The following KLRG1 variants were observed in gnomAD, a reference collection of about 807,000 sequenced individuals.
KLRG1 encodes killer cell lectin-like receptor subfamily G member 1.
In KLRG1, 16 loss-of-function variants were observed where a neutral mutation model predicts 21.8. That is an observed-to-expected ratio of 0.73 (90% CI 0.50 to 1.11). The LOEUF is 1.11. KLRG1 is among the 50% of genes most tolerant of loss of function. The pLI, the probability that KLRG1 is intolerant of heterozygous loss-of-function variation, is 0.00. For missense variants in KLRG1, 173 were observed against 218.3 expected, an observed-to-expected ratio of 0.79 and a Z score of 1.31; for synonymous variants, 69 against 75.9, an observed-to-expected ratio of 0.91 and a Z score of 0.47.
the KLRG1 span, chr12:9,069,663 T>C: frequency 1.9e-6 from 2 of 1,033,044 alleles, no homozygotes; most frequent in Non-Finnish European, 2.9e-6. Flanking sequence ...GTGATGTTTC[T>C]AAAATGCATT....
the KLRG1 span, chr12:9,202,249 C>G: frequency 7.4e-7 from 1 of 1,354,062 alleles, no homozygotes; most frequent in East Asian, 2.3e-5. Context: ...TTTCTTGTAC[C>G]TTTCTACCTC....
intron 1 of KLRG1, chr12:8,970,595 C>T (rs755991473): frequency 6.6e-6 from 1 of 152,192 alleles, no homozygotes; most frequent in African/African-American, 2.4e-5. Context: ...AATTCCACTT[C>T]TTCCTTTTCA....
chr12:9,117,122 G>C, the KLRG1 span, among the ~76,000 whole-genome samples: 1 of 152,154 alleles, frequency 6.6e-6, no homozygotes, highest in East Asian at 1.9e-4. Context: ...ACGAATGACA[G>C]ATGCAAAGGA....
At chr12:9,170,737 A>G in the KLRG1 span, among the ~76,000 whole-genome samples, 9 of 152,342 alleles carry the variant, frequency 5.9e-5, no homozygotes, top group South Asian at 1.9e-3. This position sits in a 1 kb window ranked among gnomAD's most constrained non-coding sequence, Gnocchi z 4.6. Context: ...GATTGTGATC[A>G]GACTGCTTCT....
At chr12:9,186,055 C>T in the KLRG1 span, among the ~76,000 whole-genome samples, 1 of 152,000 alleles carries the variant, frequency 6.6e-6, no homozygotes, top group East Asian at 1.9e-4. Context: ...ATCTGACCAC[C>T]TTGACCCCCC....
the KLRG1 span, chr12:9,036,876 AAT>A: frequency 1.7e-5 from 7 of 417,178 alleles, no homozygotes; most frequent in East Asian, 4.8e-4. Context: ...GCTGACAAGG[AAT>A]AACTGTAGTG....
chr12:9,135,423 A>G, the KLRG1 span: 1 of 354,028 alleles, frequency 2.8e-6, no homozygotes, highest in Non-Finnish European at 5.4e-6. Flanking sequence ...GTCCTGCAGA[A>G]TTGGAGAAGA....
chr12:8,998,780 G>A (rs1947218112), intron 3 of KLRG1, among the ~76,000 whole-genome samples: 2 of 151,470 alleles, frequency 1.3e-5, no homozygotes, highest in Admixed American at 6.6e-5. Flanking sequence ...TTTTGCATAT[G>A]TTCAACAAGA....
chr12:9,084,619 A>G, the KLRG1 span, among the ~76,000 whole-genome samples: 1 of 152,168 alleles, frequency 6.6e-6, no homozygotes, highest in Non-Finnish European at 1.5e-5. Flanking sequence ...GCAAAAGAGG[A>G]ACAAAGAAGC....
the KLRG1 span, chr12:9,162,425 C>T: frequency 1.7e-6 from 1 of 594,024 alleles, no homozygotes; most frequent in Non-Finnish European, 3.0e-6. Flanking sequence ...AACTTGCTCT[C>T]TTGGGCTCAA....
chr12:8,958,258 T>C (rs1202320647), intron 1 of KLRG1, among the ~76,000 whole-genome samples: 1 of 152,110 alleles, frequency 6.6e-6, no homozygotes, highest in African/African-American at 2.4e-5. Context: ...TTCCTTTTTT[T>C]CCCCATATGG....
the KLRG1 span, among the ~76,000 whole-genome samples, chr12:9,142,440 A>C: frequency 6.6e-6 from 1 of 152,250 alleles, no homozygotes; most frequent in East Asian, 1.9e-4. Context: ...TAATAAATGC[A>C]AACAAAAATG....
chr12:8,971,578 A>T (rs1592245613), intron 1 of KLRG1, among the ~76,000 whole-genome samples: 1 of 149,222 alleles, frequency 6.7e-6, no homozygotes, highest in African/African-American at 2.5e-5. Context: ...CCCGCCCACA[A>T]CCCCCAGGTT....
chr12:9,069,114 C>G, the KLRG1 span: 4 of 258,818 alleles, frequency 1.5e-5, no homozygotes, highest in African/African-American at 6.7e-5. Flanking sequence ...TATTGGATGA[C>G]TAACTGTGTT....
At chr12:9,044,088 T>C in the KLRG1 span, among the ~76,000 whole-genome samples, 3 of 152,224 alleles carry the variant, frequency 2.0e-5, no homozygotes, top group Non-Finnish European at 4.4e-5. Flanking sequence ...AATTGTTGTT[T>C]TAAGCAAATT....
At chr12:9,203,785 G>T in the KLRG1 span, 22 of 1,613,982 alleles carry the variant, frequency 1.4e-5, no homozygotes. Flanking sequence ...GAGACACAGT[G>T]GAATAAGTCC....
the KLRG1 span, chr12:9,080,136 T>C: frequency 9.5e-5 from 151 of 1,589,468 alleles, 1 homozygote; most frequent in African/African-American, 1.8e-3. Flanking sequence ...TCTACCACAT[T>C]TGGTGGCAGT....
the KLRG1 span, among the ~76,000 whole-genome samples, chr12:9,016,414 G>C: frequency 1.3e-5 from 2 of 152,184 alleles, no homozygotes; most frequent in East Asian, 1.9e-4. Flanking sequence ...AGAAGAAATG[G>C]ATAAATTCCT....
the KLRG1 span, chr12:9,163,627 T>G: frequency 1.9e-6 from 3 of 1,605,874 alleles, no homozygotes; most frequent in Non-Finnish European, 2.6e-6. Context: ...CGCCCGGTGT[T>G]GCATTCTTAC....
Sources: gnomAD v4.1 joint callset for allele counts (sites outside exome capture counted in the v4.1 genomes callset) on GRCh38, gnomAD v4.1.1 for gene constraint, Gnocchi (gnomAD v3.1) non-coding constraint, MANE v1.5 for transcripts, NCBI Gene and HGNC (gene_info 2026-07-23, HGNC 2026-07-21) for gene names.